Variants in COL9A2 observed in about 807,000 individuals in gnomAD.
COL9A2 encodes collagen alpha-2(IX) chain.
Under a neutral mutation model 111.6 loss-of-function variants are expected in COL9A2, and 66 were observed. That is an observed-to-expected ratio of 0.59 (90% CI 0.48 to 0.73). The LOEUF (loss-of-function observed/expected upper bound fraction) is 0.73, where lower values mean the gene tolerates loss of function less well. COL9A2 is among the 30% of genes least tolerant of loss of function. The pLI is 0.00. For synonymous variants in COL9A2, 353 were observed against 364.1 expected (o/e 0.97, Z 0.35); for missense variants, 881 against 954.1 (o/e 0.92, Z 1.01).
chr1:40,304,998 T>C lies in COL9A2; in HGVS notation c.1108-151A>G. On this transcript the variant is annotated intron_variant, in intron 21 of 31. Transcript: ENST00000372748. Reference sequence around the variant, plus strand: ...CCTGTTCCATGGTTTTGGGTCCCTGTAGTTTTCTTTCAAAGGACCCAACAC... The same window carrying C: ...CCTGTTCCATGGTTTTGGGTCCCTGCAGTTTTCTTTCAAAGGACCCAACAC... 5.0e-6 allele frequency: 3 copies of C among 601,732 alleles called. No individual in the cohort carries two copies. The South Asian group carries it at 6.4e-5, about 13-fold the overall frequency. The allele number at this position is 601,732 out of a possible 1,614,324, so 37.3% of individuals were successfully genotyped here. A position where few individuals can be genotyped will look rare whatever the true frequency, so the allele number is the denominator to read the frequency against.
At position 40,307,552 on chromosome 1, in the gene COL9A2, A is replaced by G. The variant is rs1404164767; in HGVS notation, c.955-53T>C. The G allele has an allele frequency of 6.2e-7, 1 of 1,603,624 alleles. No individual in the cohort carries two copies. Among genetic ancestry groups the G allele is most frequent in the East Asian group, 2.2e-5 (1 of 44,768 alleles). Reference sequence around the variant, plus strand: ...AAATTAAAGCTCCAGCCAGAGGGCCATGGCTTCTACCCAGATGCAGGTAGG... The same window carrying G: ...AAATTAAAGCTCCAGCCAGAGGGCCGTGGCTTCTACCCAGATGCAGGTAGG... On this transcript the variant is annotated intron_variant, in intron 18 of 31. Coordinates refer to ENST00000372748, the MANE Select transcript of COL9A2 (RefSeq NM_001852.4). This position sits in a 1 kb window ranked among gnomAD's most constrained non-coding sequence, Gnocchi z 4.8.
In COL9A2 at chr1:40,301,284, G is replaced by T; in HGVS notation, c.1968C>A (p.Gly656=). The T allele has an allele frequency of 1.2e-6, 2 of 1,613,468 alleles. No homozygotes were observed. Among genetic ancestry groups the T allele is most frequent in the Non-Finnish European group, 1.7e-6 (2 of 1,179,708 alleles). Residue 656 remains glycine (G), a synonymous_variant, in exon 32 of 32, where the codon GGC becomes GGA. Coordinates refer to ENST00000372748, the MANE Select transcript of COL9A2 (RefSeq NM_001852.4). ...CACAGAAGCCCGGCAGCCCCACGGG[G>T]CCTGGCAGGCCAGGTCGACCTGCCT... ...PGEAGRPGLP[G]PVGLPGFCEP...
intron 19 of COL9A2, 88 bp from the exon 20 acceptor site, chr1:40,306,275 T>A (rs1048833983): frequency 5.5e-6 from 8 of 1,459,438 alleles, no homozygotes; most frequent in Non-Finnish European, 7.7e-6. Flanking sequence ...CAATCCAGAT[T>A]TCCCCCACCT....
At position 40,303,223 on chromosome 1, in the gene COL9A2, A is replaced by G. The variant is rs763536147; in HGVS notation, c.1549-38T>C. On this transcript the variant is annotated intron_variant, in intron 28 of 31. Transcript: ENST00000372748. This position sits in a 1 kb window ranked among gnomAD's most constrained non-coding sequence, Gnocchi z 4.6. ...GCCTTTCAGGAAGAAGCCCCTGGCTACAAGGGCCCACCGCTCCTATCCCAC... is the reference window on the plus strand; with the variant it reads ...GCCTTTCAGGAAGAAGCCCCTGGCTGCAAGGGCCCACCGCTCCTATCCCAC... 10 of 1,586,816 alleles carry G rather than the reference A, an allele frequency of 6.3e-6. No homozygotes were observed. In the South Asian group the frequency reaches 9.1e-5, roughly 14 times the overall value.
In COL9A2 at chr1:40,303,424, G is replaced by A. The variant is rs942531635; in HGVS notation, c.1548+106C>T. The A allele has an allele frequency of 4.7e-6, 7 of 1,487,076 alleles. No homozygotes were observed. Among genetic ancestry groups the A allele is most frequent in the South Asian group, 3.6e-5 (3 of 83,874 alleles). 92.1% of individuals were successfully genotyped at this position (1,487,076 alleles called of 1,614,324 possible). ...TGCTCTGGGGCTTGGAACCAGTCTC[G>A]GGGAAGTCGGTGAGTCTCTGGGAAT... On this transcript the variant is annotated intron_variant, in intron 28 of 31. Transcript: ENST00000372748. The surrounding 1 kb of genome is among the most constrained non-coding windows in gnomAD (Gnocchi z 4.6).
chr1:40,315,526 C>A (rs759187747), intron 2 of COL9A2, 64 bp downstream of exon 2: 4 of 1,514,232 alleles, frequency 2.6e-6, no homozygotes, highest in Non-Finnish European at 3.6e-6. Context: ...CCCACCACAG[C>A]GCTCACAAAG....
intron 4 of COL9A2, among the ~76,000 whole-genome samples, chr1:40,313,255 G>A (rs146709054): frequency 1.4e-3 from 208 of 151,356 alleles, no homozygotes; most frequent in East Asian, 6.0e-3. Flanking sequence ...TGCAACCCCC[G>A]CTTCCTGGGT....
chr1:40,306,333 CTG>C, intron 19 of COL9A2, 146 bp from the exon 20 acceptor site: 1 of 839,550 alleles, frequency 1.2e-6, no homozygotes, highest in East Asian at 2.6e-5. Context: ...ATGAACTTAA[CTG>C]TACATTCCCA....
rs534463937 is a variant in COL9A2 at position 40,304,729 on chromosome 1, C to A, written c.1161+65G>T. The A allele has an allele frequency of 1.4e-4, 199 of 1,473,036 alleles. 2 individuals carry two copies. In the South Asian group the frequency reaches 2.3e-3, roughly 17 times the overall value. The allele number at this position is 1,473,036 out of a possible 1,614,324, so 91.2% of individuals were successfully genotyped here. A position where few individuals can be genotyped will look rare whatever the true frequency, so the allele number is the denominator to read the frequency against. On this transcript the variant is annotated intron_variant, in intron 22 of 31. Coordinates refer to ENST00000372748, the MANE Select transcript of COL9A2 (RefSeq NM_001852.4). The stretch of plus-strand genomic sequence containing the variant: ...TCTCACGGGCTGCACGGAGCAGATG[C>A]TGTATCCAGCAGTGCCAGCTGCCGC...
chr1:40,316,501 T>C lies in COL9A2; in HGVS notation c.75+622A>G. 1 of 428,906 alleles carries C rather than the reference T, an allele frequency of 2.3e-6. No homozygotes were observed. Among genetic ancestry groups the C allele is most frequent in the Non-Finnish European group, 4.6e-6 (1 of 215,334 alleles). 26.6% of individuals were successfully genotyped at this position (428,906 alleles called of 1,614,324 possible). A position where few individuals can be genotyped will look rare whatever the true frequency, so the allele number is the denominator to read the frequency against. ...CCATCTCTGAACAGATCAGAGATCT[T>C]AAAAGGCGGCCCTTTTAAGAGGCCA... On this transcript the variant is annotated intron_variant, in intron 1 of 31. Transcript: ENST00000372748. The surrounding 1 kb of genome is among the most constrained non-coding windows in gnomAD (Gnocchi z 5.5).
At position 40,303,654 on chromosome 1, in the gene COL9A2, C is replaced by T; in HGVS notation, c.1424G>A (p.Gly475Asp). The part of the protein sequence containing the change: ...KGQQGVRGEP[G>D]YPGPSGDAGA... ...CGCATCCCCGCTGGGGCCAGGGTAG[C>T]CGGGTTCTCCACGTACTCCTTGCTG... The change falls in exon 28 of 32, where the codon GGC becomes GAC. Residue 475 changes from glycine to aspartate, a missense_variant. Physicochemically the swap from Gly to Asp is moderately conservative, Grantham distance 94. Transcript: ENST00000372748. This position sits in a 1 kb window ranked among gnomAD's most constrained non-coding sequence, Gnocchi z 4.6. 1 of 1,579,424 alleles carries T rather than the reference C, an allele frequency of 6.3e-7. No individual in the cohort carries two copies. The highest frequency in any genetic ancestry group is 8.6e-7 in the Non-Finnish European group (1 of 1,163,240).
chr1:40,304,027 G>T (rs759213454), intron 25 of COL9A2, 37 bp downstream of exon 25: 3 of 1,574,484 alleles, frequency 1.9e-6, no homozygotes, highest in East Asian at 2.3e-5. Flanking sequence ...GCAGAGCAGG[G>T]TTGGGGGTCG....
rs992456020 is a variant in COL9A2, at chr1:40,302,029, G to A, written c.1793-140C>T. The A allele has an allele frequency of 1.2e-6, 1 of 816,288 alleles. No homozygotes were observed. The highest frequency in any genetic ancestry group is 2.7e-5 in the East Asian group (1 of 37,586). 50.6% of individuals were successfully genotyped at this position (816,288 alleles called of 1,614,324 possible). A position where few individuals can be genotyped will look rare whatever the true frequency, so the allele number is the denominator to read the frequency against. ...GGAAAGTTGGAAATGGTCACGCAGG[G>A]CTTGTTAAATAAAGGAAGGTGCAGA... On this transcript the variant is annotated intron_variant, in intron 30 of 31. Transcript: ENST00000372748. The surrounding 1 kb of genome is among the most constrained non-coding windows in gnomAD (Gnocchi z 4.5).
chr1:40,307,747 C>CGTTGA lies in COL9A2; in HGVS notation c.909_910insTCAAC (p.Gly304SerfsTer16). ...GGGGTCCCATCCTTGCCGTTGATGCCTGGGGGGCCCTACCCAGGAGGAAAG... is the reference window on the plus strand; with the variant it reads ...GGGGTCCCATCCTTGCCGTTGATGCCGTTGATGGGGGGCCCTACCCAGGAGGAAAG... On this transcript the variant is annotated frameshift_variant, in exon 18 of 32. Coordinates refer to ENST00000372748, the MANE Select transcript of COL9A2 (RefSeq NM_001852.4). LOFTEE classifies it high-confidence loss of function. This position sits in a 1 kb window ranked among gnomAD's most constrained non-coding sequence, Gnocchi z 4.8. 6.2e-7 allele frequency: 1 copy of CGTTGA among 1,614,158 alleles called. No individual in the cohort carries two copies.
intron 16 of COL9A2, among the ~76,000 whole-genome samples, chr1:40,309,663 T>C (rs1335179325): frequency 1.3e-5 from 2 of 151,252 alleles, no homozygotes; most frequent in African/African-American, 4.9e-5. Flanking sequence ...CACACATACA[T>C]ACACTCACAG....
In COL9A2 at chr1:40,310,854, G is replaced by A. The variant is rs1644111993; in HGVS notation, c.631-87C>T. Reference sequence around the variant, plus strand: ...GCAAAGATACCACCTCTTTTCCCCAGCACAAGCAGACGGGAGGGACTACTA... The same window carrying A: ...GCAAAGATACCACCTCTTTTCCCCAACACAAGCAGACGGGAGGGACTACTA... On this transcript the variant is annotated intron_variant, in intron 12 of 31. Coordinates refer to ENST00000372748, the MANE Select transcript of COL9A2 (RefSeq NM_001852.4). This position sits in a 1 kb window ranked among gnomAD's most constrained non-coding sequence, Gnocchi z 4.9. 1.6e-6 allele frequency: 2 copies of A among 1,213,554 alleles called. No individual in the cohort carries two copies. The highest frequency in any genetic ancestry group is 2.4e-6 in the Non-Finnish European group (2 of 841,492). The allele number at this position is 1,213,554 out of a possible 1,614,324, so 75.2% of individuals were successfully genotyped here.
Position 40,314,538 on chromosome 1 carries a change from G to GC in COL9A2, c.151-152dup. The GC allele has an allele frequency of 1.0e-6, 1 of 953,024 alleles. No homozygotes were observed. Among genetic ancestry groups the GC allele is most frequent in the Non-Finnish European group, 1.7e-6 (1 of 600,826 alleles). 59.0% of individuals were successfully genotyped at this position (953,024 alleles called of 1,614,324 possible). On this transcript the variant is annotated intron_variant, in intron 2 of 31. Transcript: ENST00000372748. The surrounding 1 kb of genome is among the most constrained non-coding windows in gnomAD (Gnocchi z 4.1). Reference sequence around the variant, plus strand: ...AAGCCTTGCAATCTTTGGGAAAAGAGCCCCCTTTTCCTCAAAAATAAAAAC... The same window carrying GC: ...AAGCCTTGCAATCTTTGGGAAAAGAGCCCCCCTTTTCCTCAAAAATAAAAAC...
Position 40,307,473 on chromosome 1 carries a change from G to A in COL9A2, c.981C>T (p.Pro327=), listed in dbSNP as rs140834689. 16 of 1,613,968 alleles carry A rather than the reference G, an allele frequency of 9.9e-6. No individual in the cohort carries two copies. The highest frequency in any genetic ancestry group is 4.0e-5 in the African/African-American group (3 of 74,904). ...CTAGGCCCTGGTGGCCTGGACTTCC[G>A]GGCTGTCCCGCCTGTCCTGCACTGC... The part of the protein sequence containing the change: ...MKGSAGQAGQ[P]GSPGHQGLAG... The change falls in exon 19 of 32, where the codon CCC becomes CCT. Residue 327 remains proline, a synonymous_variant. Transcript: ENST00000372748. The surrounding 1 kb of genome is among the most constrained non-coding windows in gnomAD (Gnocchi z 4.8).
At position 40,301,240 on chromosome 1, in the gene COL9A2, C is replaced by T. The variant is rs1569690999; in HGVS notation, c.2012G>A (p.Gly671Glu). 3.1e-6 allele frequency: 5 copies of T among 1,614,012 alleles called. No individual in the cohort carries two copies. The highest frequency in any genetic ancestry group is 2.2e-5 in the East Asian group (1 of 44,876). ...PGFCEPAACL[G>E]ASAYASARLT... ...GCGGGCAGAGGCATAGGCCGAAGCTCCAAGGCAGGCGGCAGGTTCACAGAA... is the reference window on the plus strand; with the variant it reads ...GCGGGCAGAGGCATAGGCCGAAGCTTCAAGGCAGGCGGCAGGTTCACAGAA... The change falls in exon 32 of 32, where the codon GGA becomes GAA. Residue 671 changes from glycine (G) to glutamate (E), a missense_variant. Coordinates refer to ENST00000372748, the MANE Select transcript of COL9A2 (RefSeq NM_001852.4).
Sources: gnomAD v4.1 joint callset for allele counts (sites outside exome capture counted in the v4.1 genomes callset) on GRCh38, gnomAD v4.1.1 for gene constraint, Gnocchi (gnomAD v3.1) non-coding constraint, MANE v1.5 for transcripts, NCBI Gene and HGNC (gene_info 2026-07-23, HGNC 2026-07-21) for gene names.